HEATR4: variants seen among roughly 807,000 people sequenced by gnomAD.
HEATR4 encodes the protein HEAT repeat containing 4.
In HEATR4, 95 loss-of-function variants were observed where a neutral mutation model predicts 108.8. The ratio of observed to expected loss-of-function variants is 0.87; its 90% confidence interval spans 0.74 to 1.04. The LOEUF is 1.04. Among genes scored for constraint, HEATR4 ranks in the 50% least tolerant of loss-of-function variants. HEATR4 has a pLI of 0.00. For synonymous variants in HEATR4, 443 were observed against 459.4 expected (o/e 0.96, Z 0.46); for missense variants, 1,152 against 1,253.8 (o/e 0.92, Z 1.23).
chr14:73,585,828 T>C, the HEATR4 span, among the ~76,000 whole-genome samples: 2 of 148,044 alleles, frequency 1.4e-5, no homozygotes, highest in Admixed American at 6.7e-5. Context: ...TTCTTTTTTT[T>C]TTTTTTTTTG....
At chr14:73,572,632 T>G in the HEATR4 span, among the ~76,000 whole-genome samples, 2 of 74,994 alleles carry the variant, frequency 2.7e-5, no homozygotes, top group Non-Finnish European at 4.6e-5. Flanking sequence ...GCCTGTAAGG[T>G]GTTTGCATTT....
intron 3 of HEATR4, among the ~76,000 whole-genome samples, chr14:73,521,652 A>G (rs1037071372): frequency 1.3e-5 from 2 of 152,210 alleles, no homozygotes; most frequent in African/African-American, 4.8e-5. Context: ...CTAGCTATAA[A>G]TGAGATAGAA....
chr14:73,589,631 C>T, the HEATR4 span, among the ~76,000 whole-genome samples: 3 of 152,162 alleles, frequency 2.0e-5, no homozygotes, highest in African/African-American at 7.2e-5. Context: ...CCTTATATTT[C>T]ATCAAAAAGC....
At chr14:73,623,999 CT>C in the HEATR4 span, among the ~76,000 whole-genome samples, 21 of 152,048 alleles carry the variant, frequency 1.4e-4, no homozygotes, top group Admixed American at 1.2e-3. Flanking sequence ...AAATAAACCT[CT>C]TTTTGGCCAG....
At chr14:73,483,196 T>C (rs1465713285) in intron 17 of HEATR4, among the ~76,000 whole-genome samples, 1 of 152,190 alleles carries the variant, frequency 6.6e-6, no homozygotes, top group Non-Finnish European at 1.5e-5. Context: ...TGGGTTAATA[T>C]TTCTGATTTA....
the HEATR4 span, among the ~76,000 whole-genome samples, chr14:73,597,087 TTTATTTA>T: frequency 2.6e-5 from 4 of 151,480 alleles, no homozygotes; most frequent in South Asian, 8.3e-4. Context: ...TATTTATTTA[TTTATTTA>T]TTTTTTTGAG....
intron 8 of HEATR4, 82 bp downstream of exon 8, chr14:73,509,230 G>A: frequency 7.5e-7 from 1 of 1,333,684 alleles, no homozygotes; most frequent in Non-Finnish European, 1.1e-6. Flanking sequence ...GAGCATCACA[G>A]TGGAGAGGAA....
At chr14:73,537,362 G>A (rs554663507) in intron 1 of HEATR4, 1 of 1,200,380 alleles carries the variant, frequency 8.3e-7, no homozygotes, top group Non-Finnish European at 1.1e-6. Context: ...GAGTTGGGCA[G>A]AGTTGCAGGG....
At chr14:73,520,687 C>T (rs763706610) in intron 4 of HEATR4, 165 bp downstream of exon 4, 8 of 629,370 alleles carry the variant, frequency 1.3e-5, no homozygotes, top group African/African-American at 9.2e-5. Flanking sequence ...TATCACTCCC[C>T]GACCCAACTC....
chr14:73,591,698 G>C, the HEATR4 span: 12 of 380,194 alleles, frequency 3.2e-5, no homozygotes, highest in Non-Finnish European at 5.1e-5. Context: ...GGCTTTCTAC[G>C]GGGTGGGTTG....
chr14:73,591,666 C>A, the HEATR4 span: 1 of 358,104 alleles, frequency 2.8e-6, no homozygotes, highest in Non-Finnish European at 5.0e-6. Context: ...TTCCAACAAC[C>A]GAGGGTGGTG....
At chr14:73,527,069 C>T (rs1429988978) in intron 2 of HEATR4, among the ~76,000 whole-genome samples, 5 of 152,136 alleles carry the variant, frequency 3.3e-5, no homozygotes, top group Non-Finnish European at 5.9e-5. Context: ...GCAACAGTTG[C>T]AGGGGTCATA....
chr14:73,502,867 G>A (rs752321894), intron 11 of HEATR4, 28 bp downstream of exon 11: 1 of 1,532,594 alleles, frequency 6.5e-7, no homozygotes, highest in Middle Eastern at 1.7e-4. Context: ...ATTTAGAAGA[G>A]TGTCTCCTCA....
At chr14:73,630,164 G>T in the HEATR4 span, among the ~76,000 whole-genome samples, 1 of 152,236 alleles carries the variant, frequency 6.6e-6, no homozygotes, top group Admixed American at 6.5e-5. Flanking sequence ...ACGCAGATAA[G>T]CTACCAGTCT....
chr14:73,537,250 A>G, intron 1 of HEATR4: 1 of 546,172 alleles, frequency 1.8e-6, no homozygotes, highest in Non-Finnish European at 2.8e-6. Flanking sequence ...GTGTGTCTAT[A>G]TTTGGTCTGG....
the HEATR4 span, chr14:73,596,591 T>TTTATTATTA: frequency 6.6e-6 from 1 of 151,554 alleles, no homozygotes; most frequent in African/African-American, 2.4e-5. Flanking sequence ...CTACATAGCA[T>TTTATTATTA]TTATTATTAT....
At chr14:73,574,796 G>T in the HEATR4 span, 1 of 1,570,422 alleles carries the variant, frequency 6.4e-7, no homozygotes, top group Non-Finnish European at 8.7e-7. Context: ...TGGGTAAATG[G>T]TAGAACCTAG....
chr14:73,574,937 A>T, the HEATR4 span: 4 of 1,603,548 alleles, frequency 2.5e-6, no homozygotes, highest in Non-Finnish European at 3.4e-6. Flanking sequence ...GGCTGCTTGG[A>T]ATTTCCAAAG....
chr14:73,590,090 A>G, the HEATR4 span, among the ~76,000 whole-genome samples: 1 of 152,176 alleles, frequency 6.6e-6, no homozygotes, highest in Non-Finnish European at 1.5e-5. Flanking sequence ...CAACGTAGAA[A>G]AGAACCCCAA....
Sources: gnomAD v4.1 joint callset for allele counts (sites outside exome capture counted in the v4.1 genomes callset) on GRCh38, gnomAD v4.1.1 for gene constraint, MANE v1.5 for transcripts, NCBI Gene and HGNC (gene_info 2026-07-23, HGNC 2026-07-21) for gene names.